Variants in TCHP observed in about 807,000 individuals in gnomAD.
TCHP encodes the protein trichoplein keratin filament binding.
In TCHP, 81 loss-of-function variants were observed where a neutral mutation model predicts 88.7. The observed-to-expected ratio is 0.91, with a 90% CI of 0.76 to 1.10. The LOEUF (loss-of-function observed/expected upper bound fraction) is 1.10. TCHP is among the 50% of genes least tolerant of loss of function. The pLI is 0.00. For missense variants in TCHP, 641 were observed against 632.1 expected, an observed-to-expected ratio of 1.01 and a Z score of -0.15; for synonymous variants, 232 against 232.5, an observed-to-expected ratio of 1.00 and a Z score of 0.02.
chr12:109,895,723 A>T (rs1055626405), upstream of TCHP, among the ~76,000 whole-genome samples: 1 of 152,060 alleles, frequency 6.6e-6, no homozygotes, highest in African/African-American at 2.4e-5. Flanking sequence ...TGCGGCTTCC[A>T]GTACTGTCAT....
the TCHP span, among the ~76,000 whole-genome samples, chr12:109,894,402 G>A: frequency 1.3e-5 from 2 of 151,410 alleles, no homozygotes; most frequent in South Asian, 4.2e-4. Context: ...CGAGCTTGCA[G>A]TGAGCCACCA....
chr12:109,914,048 C>G (rs758971570), intron 10 of TCHP, among the ~76,000 whole-genome samples: 1 of 152,188 alleles, frequency 6.6e-6, no homozygotes, highest in Non-Finnish European at 1.5e-5. Context: ...AGCTCCACCT[C>G]TGGTCATCTG....
the TCHP span, among the ~76,000 whole-genome samples, chr12:109,894,825 T>A: frequency 6.6e-6 from 1 of 151,186 alleles, no homozygotes; most frequent in Non-Finnish European, 1.5e-5. Context: ...CCTAGCAGGT[T>A]TCCCTCAGGG....
chr12:109,915,979 G>C (rs190760137), intron 12 of TCHP, among the ~76,000 whole-genome samples: 1 of 151,886 alleles, frequency 6.6e-6, no homozygotes, highest in East Asian at 1.9e-4. Flanking sequence ...CCTCCCTCCC[G>C]TGTGTGTATC....
At chr12:109,899,569 C>T (rs892810108), upstream of TCHP, among the ~76,000 whole-genome samples, 2 of 152,102 alleles carry the variant, frequency 1.3e-5, no homozygotes, top group Non-Finnish European at 2.9e-5. Flanking sequence ...ACCCGTAAGG[C>T]GGAGGTTGCA....
chr12:109,899,352 G>A (rs1480533082), upstream of TCHP, among the ~76,000 whole-genome samples: 3 of 152,090 alleles, frequency 2.0e-5, no homozygotes, highest in East Asian at 3.9e-4. Context: ...ATAATAGAAA[G>A]TTATCGGCCG....
chr12:109,891,826 C>T, the TCHP span, among the ~76,000 whole-genome samples: 1 of 152,056 alleles, frequency 6.6e-6, no homozygotes, highest in Non-Finnish European at 1.5e-5. Context: ...TCTCCTGCCT[C>T]AGCCTCCTGA....
chr12:109,917,962 C>T lies in TCHP; in HGVS notation c.*1339C>T, dbSNP rs984862707. On this transcript the variant is annotated 3_prime_UTR_variant, in exon 13 of 13. Coordinates refer to ENST00000405876, the MANE Select transcript of TCHP (RefSeq NM_001143852.2). ...TCATCTGTTGTTCATTTTCTTGCAA[C>T]TCTTTGACTCTGATCCCCTGAGCAG... 1 of 152,214 alleles carries T rather than the reference C, an allele frequency of 6.6e-6. No homozygotes were observed. Among genetic ancestry groups the T allele is most frequent in the African/African-American group, 2.4e-5 (1 of 41,448 alleles). 9.4% of individuals were successfully genotyped at this position (152,214 alleles called of 1,614,324 possible).
Position 109,915,424 on chromosome 12 carries a change from G to T in TCHP, c.1342G>T (p.Ala448Ser). The T allele has an allele frequency of 1.9e-6, 3 of 1,614,194 alleles. No individual in the cohort carries two copies. The highest frequency in any genetic ancestry group is 2.5e-6 in the Non-Finnish European group (3 of 1,180,030). The part of the protein sequence containing the change: ...EAQVAERRLQ[A>S]WEADQQEEEE... ...TCAGGTTGCAGAGCGCCGGCTGCAG[G>T]CATGGGAAGCAGACCAGCAGGAGGA... Residue 448 changes from alanine (A) to serine (S), a missense_variant, in exon 12 of 13, where the codon GCA becomes TCA. Physicochemically the swap from Ala to Ser is moderately conservative, Grantham distance 99 (BLOSUM62 1). Coordinates refer to ENST00000405876, the MANE Select transcript of TCHP (RefSeq NM_001143852.2).
At position 109,911,109 on chromosome 12, in the gene TCHP, A is replaced by G. The variant is rs1870460724; in HGVS notation, c.926A>G (p.Glu309Gly). ...CAGGCCCTCCTCGAGAAGGAGGACG[A>G]GAGCCAGCGCCTCCACCTGGCCAGG... Reference protein sequence around the residue: ...ILQALLEKEDESQRLHLARRE... With the variant: ...ILQALLEKEDGSQRLHLARRE... Residue 309 changes from glutamate to glycine, a missense_variant, in exon 9 of 13, where the codon GAG becomes GGG. By Grantham distance (98) the Glu-to-Gly change is moderately conservative (BLOSUM62 -2). Transcript: ENST00000405876. The G allele has an allele frequency of 6.3e-7, 1 of 1,596,960 alleles. No individual in the cohort carries two copies. The highest frequency in any genetic ancestry group is 8.5e-7 in the Non-Finnish European group (1 of 1,173,036).
Position 109,906,089 on chromosome 12 carries a change from C to T in TCHP, c.457-483C>T, listed in dbSNP as rs570028064. Among the ~76,000 whole-genome samples the T allele has an allele frequency of 5.5e-4, 84 of 152,358 alleles. 1 individual carries two copies. Among genetic ancestry groups the T allele is most frequent in the African/African-American group, 2.0e-3 (84 of 41,584 alleles). On this transcript the variant is annotated intron_variant, in intron 4 of 12. Transcript: ENST00000405876. ...CAGGAGATTGTCTGCGCTCAAATCT[C>T]TTACTAACAATGCTAAACTTGTTGC...
chr12:109,904,214 T>G (rs1449692576), intron 3 of TCHP, 67 bp downstream of exon 3: 1 of 1,430,230 alleles, frequency 7.0e-7, no homozygotes, highest in Non-Finnish European at 9.6e-7. Context: ...GTGTCGCACA[T>G]GTAGGGTCAT....
the TCHP span, among the ~76,000 whole-genome samples, chr12:109,887,294 A>T: frequency 1.1e-4 from 16 of 151,564 alleles, no homozygotes; most frequent in Non-Finnish European, 1.6e-4. Flanking sequence ...TGGTGGTGCA[A>T]GCCTGTAATC....
rs923890718 is a variant in TCHP at position 109,908,697 on chromosome 12, G to T, written c.811G>T (p.Gly271Trp). 1 of 1,592,030 alleles carries T rather than the reference G, an allele frequency of 6.3e-7. No individual in the cohort carries two copies. The highest frequency in any genetic ancestry group is 8.5e-7 in the Non-Finnish European group (1 of 1,170,500). Reference protein sequence around the residue: ...MEAFRQKAELGRFLRHQYNAQ... With the variant: ...MEAFRQKAELWRFLRHQYNAQ... ...AGCCTTCCGGCAGAAGGCAGAGCTG[G>T]GGTGTGTGTCAGAAGGGCCCCCCAC... The change falls in exon 7 of 13, where the codon GGG becomes TGG. Residue 271 changes from glycine to tryptophan, a missense_variant and splice_region_variant. Coordinates refer to ENST00000405876, the MANE Select transcript of TCHP (RefSeq NM_001143852.2).
chr12:109,883,345 T>C, the TCHP span, among the ~76,000 whole-genome samples: 1 of 152,168 alleles, frequency 6.6e-6, no homozygotes, highest in African/African-American at 2.4e-5. Context: ...CTGAATGTTT[T>C]AATCTTTCAG....
At chr12:109,883,019 T>C in the TCHP span, among the ~76,000 whole-genome samples, 2 of 151,574 alleles carry the variant, frequency 1.3e-5, no homozygotes, top group Admixed American at 6.6e-5. Context: ...CTGAATCTTA[T>C]AGAATGTTTT....
At chr12:109,915,165 C>T (rs1870734863) in intron 11 of TCHP, 2 of 597,816 alleles carry the variant, frequency 3.3e-6, no homozygotes, top group African/African-American at 3.7e-5. Context: ...ACAGCCTCTC[C>T]AGCTTTCCAC....
Position 109,911,075 on chromosome 12 carries a change from C to T in TCHP, c.892C>T (p.Arg298Trp), listed in dbSNP as rs935481789. ...CTGCTTCCTCTAGGAGGCAGACAGG[C>T]GGATCCTGCAGGCCCTCCTCGAGAA... Reference protein sequence around the residue: ...QIQEELEADRRILQALLEKED... With the variant: ...QIQEELEADRWILQALLEKED... The change falls in exon 9 of 13, where the codon CGG becomes TGG. Residue 298 changes from arginine (R) to tryptophan (W), a missense_variant. By Grantham distance (101) the Arg-to-Trp change is moderately radical. Transcript: ENST00000405876. 1.1e-5 allele frequency: 18 copies of T among 1,581,538 alleles called. No homozygotes were observed. The highest frequency in any genetic ancestry group is 1.5e-5 in the Non-Finnish European group (17 of 1,164,238).
Position 109,903,944 on chromosome 12 carries a change from G to T in TCHP, c.196G>T (p.Ala66Ser). The change falls in exon 3 of 13, where the codon GCC (alanine) becomes TCC (serine). Residue 66 changes from alanine (A) to serine (S), a missense_variant. Transcript: ENST00000405876. The surrounding 1 kb of genome is among the most constrained non-coding windows in gnomAD (Gnocchi z 4.6). The part of the protein sequence containing the change: ...SKTSYQRSMH[A>S]YQREKMKEEK... Reference sequence around the variant, plus strand: ...AGGCCCCCTCTCACCCAGCATGCATGCCTATCAGCGGGAGAAGATGAAGGA... The same window carrying T: ...AGGCCCCCTCTCACCCAGCATGCATTCCTATCAGCGGGAGAAGATGAAGGA... The T allele has an allele frequency of 6.2e-7, 1 of 1,606,142 alleles. No homozygotes were observed. Among genetic ancestry groups the T allele is most frequent in the Non-Finnish European group, 8.5e-7 (1 of 1,177,058 alleles).
Sources: gnomAD v4.1 joint callset for allele counts (sites outside exome capture counted in the v4.1 genomes callset) on GRCh38, gnomAD v4.1.1 for gene constraint, Gnocchi (gnomAD v3.1) non-coding constraint, MANE v1.5 for transcripts, NCBI Gene and HGNC (gene_info 2026-07-23, HGNC 2026-07-21) for gene names.